LENG8: variants seen among roughly 807,000 people sequenced by gnomAD.
The protein encoded by LENG8 is leukocyte receptor cluster (LRC) member 8.
A neutral mutation model predicts 102.1 loss-of-function variants in LENG8; 28 were observed. The observed-to-expected ratio is 0.27, with a 90% CI of 0.20 to 0.38. The LOEUF (loss-of-function observed/expected upper bound fraction) is 0.38. Ranked by LOEUF, LENG8 falls within the 10% of genes least tolerant of loss-of-function variation. The pLI is 1.00. For missense variants in LENG8, 1,022 were observed against 1,113.9 expected, an observed-to-expected ratio of 0.92 and a Z score of 1.17; for synonymous variants, 531 against 456.7, an observed-to-expected ratio of 1.16 and a Z score of -2.07.
intron 15 of LENG8, chr19:54,458,900 A>T: frequency 6.5e-7 from 1 of 1,541,926 alleles, no homozygotes; most frequent in South Asian, 1.2e-5. Flanking sequence ...CTGTGCTCCC[A>T]CCATAGAGAC....
intron 15 of LENG8, 101 bp from the exon 16 acceptor site, chr19:54,460,664 GA>G: frequency 6.9e-7 from 1 of 1,452,534 alleles, no homozygotes; most frequent in East Asian, 2.5e-5. Flanking sequence ...CTGTGCTGAG[GA>G]AATCCTGTGG....
rs1310897432 is a variant in LENG8, at chr19:54,461,192, G to A, written c.*264G>A. The A allele has an allele frequency of 5.9e-6, 4 of 677,764 alleles. No homozygotes were observed. The African/African-American group carries it at 7.0e-5, about 12-fold the overall frequency. The allele number at this position is 677,764 out of a possible 1,614,324, so 42.0% of individuals were successfully genotyped here. A position where few individuals can be genotyped will look rare whatever the true frequency, so the allele number is the denominator to read the frequency against. ...GGGGGCATGGTCTGCAGGCTCATCTGTGTCCGCCTTTCACTCCACTAATGC... is the reference window on the plus strand; with the variant it reads ...GGGGGCATGGTCTGCAGGCTCATCTATGTCCGCCTTTCACTCCACTAATGC... On this transcript the variant is annotated 3_prime_UTR_variant, in exon 16 of 16. Coordinates refer to ENST00000326764, the MANE Select transcript of LENG8 (RefSeq NM_052925.4).
rs778565224 is a variant in LENG8 at position 54,451,312 on chromosome 19, C to T, written c.-33C>T. 1 of 1,613,580 alleles carries T rather than the reference C, an allele frequency of 6.2e-7. No individual in the cohort carries two copies. Among genetic ancestry groups the T allele is most frequent in the South Asian group, 1.1e-5 (1 of 91,056 alleles). On this transcript the variant is annotated 5_prime_UTR_variant, in exon 2 of 16. Coordinates refer to ENST00000326764, the MANE Select transcript of LENG8 (RefSeq NM_052925.4). Reference sequence around the variant, plus strand: ...TAGACAGTGAAAAAGCAGTCTGGCTCCCGAGGTCCACCCCTTATACCCCAA... The same window carrying T: ...TAGACAGTGAAAAAGCAGTCTGGCTTCCGAGGTCCACCCCTTATACCCCAA...
chr19:54,461,924 C>T lies in LENG8; in HGVS notation c.*996C>T. 3 of 920,110 alleles carry T rather than the reference C, an allele frequency of 3.3e-6. No homozygotes were observed. Among genetic ancestry groups the T allele is most frequent in the Admixed American group, 3.4e-5 (2 of 58,014 alleles). 57.0% of individuals were successfully genotyped at this position (920,110 alleles called of 1,614,324 possible). The stretch of plus-strand genomic sequence containing the variant: ...CCTCTGCCTCCCCTTCCCCTCCTCT[C>T]CCCTCCTTTTCCTTCCTTCCTTCCT... On this transcript the variant is annotated 3_prime_UTR_variant, in exon 16 of 16. Transcript: ENST00000326764.
chr19:54,460,711 C>T lies in LENG8; in HGVS notation c.2241-55C>T. On this transcript the variant is annotated intron_variant, in intron 15 of 15. Transcript: ENST00000326764. ...GGGGGGGCCTCCCCGCTCGTGGGGC[C>T]CTCCCCTGCCCTCCCGCCCGCCCGC... 4 of 1,419,574 alleles carry T rather than the reference C, an allele frequency of 2.8e-6. No individual in the cohort carries two copies. The East Asian group carries it at 1.1e-4, about 38-fold the overall frequency. 87.9% of individuals were successfully genotyped at this position (1,419,574 alleles called of 1,614,324 possible). A position where few individuals can be genotyped will look rare whatever the true frequency, so the allele number is the denominator to read the frequency against.
At chr19:54,459,306 C>T (rs1048405700) in intron 15 of LENG8, 8 of 1,009,826 alleles carry the variant, frequency 7.9e-6, no homozygotes, top group African/African-American at 3.5e-5. Context: ...AAATTCTGGT[C>T]GAAGAGGTTG....
chr19:54,450,160 T>C (rs1333933179), intron 1 of LENG8, among the ~76,000 whole-genome samples: 2 of 152,154 alleles, frequency 1.3e-5, no homozygotes, highest in Admixed American at 1.3e-4. Flanking sequence ...TCTTTGGCAT[T>C]CCCAAAGCTT....
Position 54,460,922 on chromosome 19 carries a change from CT to C in LENG8, c.2399del (p.Phe800SerfsTer25). On this transcript the variant is annotated frameshift_variant, in exon 16 of 16. Transcript: ENST00000326764. LOFTEE classifies it high-confidence loss of function. Reference sequence around the variant, plus strand: ...GCCTCAGCCTGGCGCAGCTGTCAGCCTTCTGAGCACCCAGCGAGGAGGGGCG... The same window carrying C: ...GCCTCAGCCTGGCGCAGCTGTCAGCCTCTGAGCACCCAGCGAGGAGGGGCG... ...CRLSLAQLSA[F>X] 1 of 1,547,368 alleles carries C rather than the reference CT, an allele frequency of 6.5e-7. No individual in the cohort carries two copies. The highest frequency in any genetic ancestry group is 8.7e-7 in the Non-Finnish European group (1 of 1,148,548).
At chr19:54,460,637 T>A in intron 15 of LENG8, 129 bp from the exon 16 acceptor site, 1 of 1,371,822 alleles carries the variant, frequency 7.3e-7, no homozygotes, top group Non-Finnish European at 9.4e-7. Context: ...GGGAGGCGGG[T>A]GGGGAGCCAG....
chr19:54,452,044 G>A, intron 2 of LENG8, 49 bp from the exon 3 acceptor site: 2 of 1,560,738 alleles, frequency 1.3e-6, no homozygotes, highest in Non-Finnish European at 1.7e-6. Context: ...TTGCCCACCT[G>A]TGTACAGTGG....
chr19:54,458,211 A>G lies in LENG8; in HGVS notation c.2011A>G (p.Ile671Val), dbSNP rs775906345. 5.0e-6 allele frequency: 8 copies of G among 1,614,010 alleles called. No individual in the cohort carries two copies. The East Asian group carries it at 8.9e-5, about 18-fold the overall frequency. ...TACTGCCTACCGAATCCTCTACTACATCTTCACCAAGAACTCGGGAGGTGA... is the reference window on the plus strand; with the variant it reads ...TACTGCCTACCGAATCCTCTACTACGTCTTCACCAAGAACTCGGGAGGTGA... ...EFTAYRILYY[I>V]FTKNSGDITT... The change falls in exon 14 of 16, where the codon ATC (isoleucine) becomes GTC (valine). Residue 671 changes from isoleucine to valine, a missense_variant. Coordinates refer to ENST00000326764, the MANE Select transcript of LENG8 (RefSeq NM_052925.4).
Position 54,451,321 on chromosome 19 carries a change from C to T in LENG8, c.-24C>T, listed in dbSNP as rs777868554. 1 of 1,613,978 alleles carries T rather than the reference C, an allele frequency of 6.2e-7. No homozygotes were observed. The highest frequency in any genetic ancestry group is 1.1e-5 in the South Asian group (1 of 91,080). On this transcript the variant is annotated 5_prime_UTR_variant, in exon 2 of 16. Coordinates refer to ENST00000326764, the MANE Select transcript of LENG8 (RefSeq NM_052925.4). ...AAAAAGCAGTCTGGCTCCCGAGGTC[C>T]ACCCCTTATACCCCAAGGTCCAGAT...
At chr19:54,454,813 C>G in intron 6 of LENG8, 131 bp downstream of exon 6, 2 of 1,428,222 alleles carry the variant, frequency 1.4e-6, no homozygotes, top group Non-Finnish European at 1.9e-6. Context: ...TGGGGCTGCT[C>G]TGGACCAGGC....
chr19:54,459,069 C>G (rs2084400983), intron 15 of LENG8: 4 of 1,396,244 alleles, frequency 2.9e-6, no homozygotes, highest in Non-Finnish European at 3.7e-6. Flanking sequence ...CCTTCGTTCA[C>G]TAGACATTGC....
At chr19:54,452,431 G>A (rs1194853853) in intron 3 of LENG8, among the ~76,000 whole-genome samples, 164 bp downstream of exon 3, 1 of 152,230 alleles carries the variant, frequency 6.6e-6, no homozygotes, top group African/African-American at 2.4e-5. Flanking sequence ...TTTCCTTGAG[G>A]AAATTAGGGC....
rs751317679 is a variant in LENG8, at chr19:54,453,596, C to T, written c.366C>T (p.Ser122=). 6.2e-7 allele frequency: 1 copy of T among 1,614,078 alleles called. No homozygotes were observed. The part of the protein sequence containing the change: ...GSPSQYGMAG[S]YGSATPQQPS... The stretch of plus-strand genomic sequence containing the variant: ...CTTCCCAGTATGGGATGGCCGGCTC[C>T]TATGGCTCAGCCACACCCCAGCAGC... Residue 122 remains serine, a synonymous_variant, in exon 5 of 16, where the codon TCC becomes TCT. Transcript: ENST00000326764.
chr19:54,458,806 G>C (rs948901910), intron 15 of LENG8: 2 of 1,551,060 alleles, frequency 1.3e-6, no homozygotes, highest in Non-Finnish European at 1.7e-6. Context: ...TCTTCCTCCT[G>C]TTCTCTCCTG....
chr19:54,456,762 G>A lies in LENG8; in HGVS notation c.1572G>A (p.Leu524=). The part of the protein sequence containing the change: ...ARFQHGHSRR[L]RLEPLVLQMS... ...TCCAGCACGGACACTCCCGCCGCCT[G>A]CGCCTCGAGCCCCTGGTGCTGCAGA... is the stretch of plus-strand genomic sequence containing the variant. The change falls in exon 11 of 16, where the codon CTG becomes CTA. Residue 524 remains leucine (L), a synonymous_variant. Coordinates refer to ENST00000326764, the MANE Select transcript of LENG8 (RefSeq NM_052925.4). 6.2e-7 allele frequency: 1 copy of A among 1,611,512 alleles called. No homozygotes were observed. The highest frequency in any genetic ancestry group is 1.3e-5 in the African/African-American group (1 of 75,042).
chr19:54,457,710 G>A (rs750138106), intron 11 of LENG8, 37 bp from the exon 12 acceptor site: 43 of 1,466,738 alleles, frequency 2.9e-5, no homozygotes, highest in Non-Finnish European at 3.4e-5. Flanking sequence ...CGCTACCTGA[G>A]TTGTACTCCG....
Sources: gnomAD v4.1 joint callset for allele counts (sites outside exome capture counted in the v4.1 genomes callset) on GRCh38, gnomAD v4.1.1 for gene constraint, MANE v1.5 for transcripts, NCBI Gene and HGNC (gene_info 2026-07-23, HGNC 2026-07-21) for gene names.